ERI3: variants seen among roughly 807,000 people sequenced by gnomAD.
ERI3 encodes the protein ERI1 exoribonuclease family member 3.
In ERI3, 18 loss-of-function variants were observed where a neutral mutation model predicts 44.4. The observed-to-expected ratio is 0.41, with a 90% CI of 0.28 to 0.60. The LOEUF (loss-of-function observed/expected upper bound fraction) is 0.60. ERI3 is among the 20% of genes least tolerant of loss of function. The probability of loss-of-function intolerance (pLI) is 0.36; values close to 1 mark genes in which losing one functional copy is unlikely to be tolerated. For missense variants in ERI3, 294 were observed against 435.5 expected (o/e 0.68, Z 2.89); for synonymous variants, 183 against 164.8 (o/e 1.11, Z -0.84).
intron 2 of ERI3, among the ~76,000 whole-genome samples, chr1:44,340,304 C>T (rs1646627400): frequency 6.6e-6 from 1 of 152,138 alleles, no homozygotes; most frequent in African/African-American, 2.4e-5. Context: ...AAAAAAGGAA[C>T]AAAGCAGAAA....
intron 8 of ERI3, among the ~76,000 whole-genome samples, chr1:44,238,465 C>T (rs1349519679): frequency 1.3e-5 from 2 of 152,124 alleles, no homozygotes; most frequent in African/African-American, 4.8e-5. Flanking sequence ...AACCAATCAC[C>T]GGCTCCTTTC....
At chr1:44,313,999 G>A (rs1162674876) in intron 4 of ERI3, among the ~76,000 whole-genome samples, 3 of 151,046 alleles carry the variant, frequency 2.0e-5, no homozygotes, top group Non-Finnish European at 4.4e-5. Flanking sequence ...AAAAAAAAAA[G>A]ACTGGGGATA....
chr1:44,298,776 G>C (rs1197933331), intron 6 of ERI3, among the ~76,000 whole-genome samples: 1 of 152,116 alleles, frequency 6.6e-6, no homozygotes, highest in Non-Finnish European at 1.5e-5. Flanking sequence ...AAACTAGCTG[G>C]GCGCAGTGGC....
At chr1:44,310,926 C>A (rs1645942052) in intron 5 of ERI3, among the ~76,000 whole-genome samples, 1 of 149,548 alleles carries the variant, frequency 6.7e-6, no homozygotes, top group Non-Finnish European at 1.5e-5. Flanking sequence ...CTCCTCTGAC[C>A]CAACTCCTTG....
intron 7 of ERI3, among the ~76,000 whole-genome samples, chr1:44,248,726 T>TGTGTGTGTGG (rs1553183713): frequency 1.3e-5 from 2 of 150,918 alleles, no homozygotes; most frequent in African/African-American, 4.9e-5. Context: ...TGTGTGTGTG[T>TGTGTGTGTGG]GGTAGGGGGA....
At chr1:44,326,338 G>A (rs1572286560) in intron 3 of ERI3, among the ~76,000 whole-genome samples, 1 of 152,314 alleles carries the variant, frequency 6.6e-6, no homozygotes, top group Non-Finnish European at 1.5e-5. Context: ...ACAGGGAAGA[G>A]GGTAAGTTGG....
intron 7 of ERI3, among the ~76,000 whole-genome samples, chr1:44,251,726 G>C (rs1275508725): frequency 3.9e-5 from 6 of 152,172 alleles, no homozygotes; most frequent in African/African-American, 7.2e-5. Flanking sequence ...TAAAGGCTTG[G>C]GTGTGGCTGG....
chr1:44,322,521 G>GAC (rs1394914260), intron 3 of ERI3, among the ~76,000 whole-genome samples: 1 of 152,110 alleles, frequency 6.6e-6, no homozygotes, highest in Non-Finnish European at 1.5e-5. Context: ...TTCTCCCCAA[G>GAC]ACCAAGAAGA....
chr1:44,346,895 A>G lies in ERI3; in HGVS notation c.211+5955T>C, dbSNP rs191576554. Reference sequence around the variant, plus strand: ...TGCACAATAGCAAGCGCTCAATAAAAGGGAGCTGTTACTACATGAGAAAGA... The same window carrying G: ...TGCACAATAGCAAGCGCTCAATAAAGGGGAGCTGTTACTACATGAGAAAGA... On this transcript the variant is annotated intron_variant, in intron 2 of 8. Coordinates refer to ENST00000372257, the MANE Select transcript of ERI3 (RefSeq NM_024066.3). Among the ~76,000 whole-genome samples, 454 of 152,346 alleles carry G rather than the reference A, an allele frequency of 3.0e-3. 1 individual carries two copies. The highest frequency in any genetic ancestry group is 4.4e-3 in the Non-Finnish European group (298 of 68,032).
At chr1:44,256,962 TCA>T (rs1190717084) in intron 7 of ERI3, 1 of 152,130 alleles carries the variant, frequency 6.6e-6, no homozygotes, top group Non-Finnish European at 1.5e-5. Context: ...ACGTGCACTG[TCA>T]CAGAGTCTAA....
intron 6 of ERI3, among the ~76,000 whole-genome samples, chr1:44,300,802 C>T (rs147592652): frequency 8.5e-5 from 13 of 152,296 alleles, no homozygotes; most frequent in Non-Finnish European, 1.6e-4. Flanking sequence ...GCGGAGCACC[C>T]CTAGCTCCTC....
At chr1:44,266,339 G>A (rs956037508) in intron 7 of ERI3, among the ~76,000 whole-genome samples, 1 of 152,246 alleles carries the variant, frequency 6.6e-6, no homozygotes, top group Non-Finnish European at 1.5e-5. Context: ...AGGCTTGGAA[G>A]TAGACCATAC....
chr1:44,273,699 A>G (rs569575040), intron 7 of ERI3, among the ~76,000 whole-genome samples: 12 of 152,240 alleles, frequency 7.9e-5, no homozygotes, highest in Non-Finnish European at 1.8e-4. Context: ...AAAGTTCTGA[A>G]GCCATACAAA....
At chr1:44,239,989 G>A (rs1034064974) in intron 8 of ERI3, among the ~76,000 whole-genome samples, 6 of 152,212 alleles carry the variant, frequency 3.9e-5, no homozygotes, top group Admixed American at 6.5e-5. Flanking sequence ...CCTTGCACAC[G>A]TGTCCCTGGA....
chr1:44,330,378 C>T (rs1646404198), intron 3 of ERI3, among the ~76,000 whole-genome samples: 1 of 152,214 alleles, frequency 6.6e-6, no homozygotes, highest in Admixed American at 6.5e-5. Context: ...TTGCCACCCA[C>T]AGGCCTTCCA....
chr1:44,273,995 G>C (rs768592475), intron 7 of ERI3, among the ~76,000 whole-genome samples: 2 of 152,202 alleles, frequency 1.3e-5, no homozygotes, highest in Non-Finnish European at 2.9e-5. Flanking sequence ...AGAAAAGATG[G>C]AGCAGAGCCT....
chr1:44,306,129 C>G (rs1196070331), intron 6 of ERI3, among the ~76,000 whole-genome samples: 1 of 152,210 alleles, frequency 6.6e-6, no homozygotes, highest in East Asian at 1.9e-4. Flanking sequence ...ATGCAGAGAC[C>G]TGCTTATAAG....
intron 7 of ERI3, among the ~76,000 whole-genome samples, chr1:44,276,679 A>G (rs1472408148): frequency 6.6e-6 from 1 of 152,022 alleles, no homozygotes; most frequent in East Asian, 1.9e-4. Flanking sequence ...CCAATTCCTC[A>G]TTTTGTTGGT....
chr1:44,293,192 C>T (rs1645543562), intron 6 of ERI3, among the ~76,000 whole-genome samples: 1 of 152,256 alleles, frequency 6.6e-6, no homozygotes, highest in African/African-American at 2.4e-5. Context: ...TGGCCTACCA[C>T]CAGGACTTCA....
Sources: allele counts gnomAD v4.1 joint callset (sites outside exome capture counted in the v4.1 genomes callset), GRCh38; gene constraint gnomAD v4.1.1; transcripts MANE v1.5; gene names NCBI Gene and HGNC (gene_info 2026-07-23, HGNC 2026-07-21).